The following SPTAN1 variants were observed in gnomAD, a reference collection of about 807,000 sequenced individuals.
The protein encoded by SPTAN1 is spectrin alpha, non-erythrocytic 1.
Under a neutral mutation model 331.3 loss-of-function variants are expected in SPTAN1, and 61 were observed. The observed-to-expected ratio is 0.18, with a 90% confidence interval of 0.15 to 0.23. The LOEUF (loss-of-function observed/expected upper bound fraction) is 0.23. Among genes scored for constraint, SPTAN1 ranks in the 10% least tolerant of loss-of-function variants. The pLI is 1.00. For missense variants in SPTAN1, 2,043 were observed against 3,147.9 expected (o/e 0.65, Z 8.40); for synonymous variants, 1,153 against 1,173.9 (o/e 0.98, Z 0.36).
rs1341927537 is a variant in SPTAN1 at position 128,577,026 on chromosome 9, T to A, written c.785+70T>A. 7 of 1,613,840 alleles carry A rather than the reference T, an allele frequency of 4.3e-6. No homozygotes were observed. In the African/African-American group the frequency reaches 8.0e-5, roughly 18 times the overall value. ...GGGGAGTTGTGAAGCACAGGGCATG[T>A]GCTGGTGAGCTGTCGAGGCTGACTA... On this transcript the variant is annotated intron_variant, in intron 6 of 56. Transcript: ENST00000372739. The surrounding 1 kb of genome is among the most constrained non-coding windows in gnomAD (Gnocchi z 4.2).
chr9:128,566,986 G>C lies in SPTAN1; in HGVS notation c.237+9G>C, dbSNP rs368690134. ...ACCCAACCAACTTGCAGGTACGTCT[G>C]ATCTCCTGGGATTCCTGCCAAAATT... is the stretch of plus-strand genomic sequence containing the variant. On this transcript the variant is annotated intron_variant, in intron 2 of 56. Coordinates refer to ENST00000372739, the MANE Select transcript of SPTAN1 (RefSeq NM_001130438.3). 2.3e-5 allele frequency: 37 copies of C among 1,613,838 alleles called. No homozygotes were observed. Among genetic ancestry groups the C allele is most frequent in the African/African-American group, 1.6e-4 (12 of 75,056 alleles).
chr9:128,593,861 T>TA (rs1483090219), intron 23 of SPTAN1: 3 of 392,442 alleles, frequency 7.6e-6, no homozygotes, highest in African/African-American at 6.2e-5. Flanking sequence ...AGCCCTGTGT[T>TA]ACTGTGCTAA....
rs1852307475 is a variant in SPTAN1, at chr9:128,584,363, C to G, written c.2275C>G (p.Gln759Glu). 1.9e-6 allele frequency: 3 copies of G among 1,614,046 alleles called. No homozygotes were observed. Among genetic ancestry groups the G allele is most frequent in the Non-Finnish European group, 2.5e-6 (3 of 1,180,042 alleles). ...TGATGCAGAAAACATCAAGAAGAAA[C>G]AGGAAGCCCTCGTGGCTCGCTATGA... ...HFDAENIKKK[Q>E]EALVARYEAL... The change falls in exon 17 of 57, where the codon CAG becomes GAG. Residue 759 changes from glutamine (Q) to glutamate (E), a missense_variant. Gln to Glu is a conservative substitution (Grantham distance 29). Transcript: ENST00000372739.
At position 128,594,221 on chromosome 9, in the gene SPTAN1, G is replaced by C. The variant is rs780374369; in HGVS notation, c.3262G>C (p.Glu1088Gln). Residue 1088 changes from glutamate (E) to glutamine (Q), a missense_variant, in exon 24 of 57, where the codon GAG (glutamate) becomes CAG (glutamine). Physicochemically the swap from Glu to Gln is conservative, Grantham distance 29. Transcript: ENST00000372739. ...ELGEKRKGML[E>Q]KSCKKFMLFR... Reference sequence around the variant, plus strand: ...GGGTGAGAAGCGTAAAGGCATGTTGGAGAAGAGTTGCAAGAAGTTTATGTT... The same window carrying C: ...GGGTGAGAAGCGTAAAGGCATGTTGCAGAAGAGTTGCAAGAAGTTTATGTT... The C allele has an allele frequency of 2.5e-6, 4 of 1,614,154 alleles. No homozygotes were observed. In the East Asian group the frequency reaches 8.9e-5, roughly 36 times the overall value.
intron 15 of SPTAN1, among the ~76,000 whole-genome samples, 198 bp from the exon 16 acceptor site, chr9:128,583,590 G>A (rs1231677438): frequency 2.0e-5 from 3 of 152,140 alleles, no homozygotes; most frequent in African/African-American, 7.2e-5. Flanking sequence ...ATATCTCAAG[G>A]GGGTTAGAAT....
At chr9:128,626,871 G>C (rs1858835191) in intron 49 of SPTAN1, 184 bp downstream of exon 49, 9 of 719,872 alleles carry the variant, frequency 1.3e-5, no homozygotes, top group Non-Finnish European at 2.1e-5. Context: ...CTTCAGTGCA[G>C]TGGTGCTACC....
chr9:128,628,826 A>C (rs1589400986), intron 51 of SPTAN1: 1 of 302,204 alleles, frequency 3.3e-6, no homozygotes, highest in Non-Finnish European at 6.1e-6. Flanking sequence ...CCCGTAGGAC[A>C]CCCTGGCCAC....
intron 3 of SPTAN1, among the ~76,000 whole-genome samples, chr9:128,572,922 G>A (rs1452547831): frequency 6.6e-6 from 1 of 152,148 alleles, no homozygotes; most frequent in African/African-American, 2.4e-5. Flanking sequence ...CAACAGTGGT[G>A]GAAGTGAATT....
At chr9:128,624,086 CAAAAA>C (rs11444346) in intron 45 of SPTAN1, among the ~76,000 whole-genome samples, 2 of 66,812 alleles carry the variant, frequency 3.0e-5, no homozygotes, top group African/African-American at 4.4e-5. Flanking sequence ...CACTCCGTCT[CAAAAA>C]AAAAAAAAAA....
At chr9:128,585,557 A>C (rs1648582968) in intron 18 of SPTAN1, among the ~76,000 whole-genome samples, 191 bp from the exon 19 acceptor site, 1 of 152,152 alleles carries the variant, frequency 6.6e-6, no homozygotes, top group African/African-American at 2.4e-5. Context: ...TGGTTTGAGG[A>C]GGCAAAAAAT....
intron 8 of SPTAN1, 95 bp from the exon 9 acceptor site, chr9:128,578,015 A>G: frequency 1.5e-6 from 2 of 1,347,068 alleles, no homozygotes; most frequent in Non-Finnish European, 2.1e-6. Context: ...AGTTTGTTAG[A>G]CATTTGAGAA....
chr9:128,627,619 A>G lies in SPTAN1; in HGVS notation c.6689+121A>G. 1 of 1,067,746 alleles carries G rather than the reference A, an allele frequency of 9.4e-7. No individual in the cohort carries two copies. Among genetic ancestry groups the G allele is most frequent in the South Asian group, 1.3e-5 (1 of 75,342 alleles). 66.1% of individuals were successfully genotyped at this position (1,067,746 alleles called of 1,614,324 possible). ...TAAAACCAGAGGCAGCCTGGGAATA[A>G]AGCTGGGCTGGCAACGCCTGGTCGG... On this transcript the variant is annotated intron_variant, in intron 50 of 56. Transcript: ENST00000372739. This position sits in a 1 kb window ranked among gnomAD's most constrained non-coding sequence, Gnocchi z 4.9.
Position 128,583,933 on chromosome 9 carries a change from A to G in SPTAN1, c.2157A>G (p.Lys719=), listed in dbSNP as rs1394128935. The G allele has an allele frequency of 6.2e-7, 1 of 1,614,194 alleles. No homozygotes were observed. Among genetic ancestry groups the G allele is most frequent in the Non-Finnish European group, 8.5e-7 (1 of 1,180,024 alleles). The part of the protein sequence containing the change: ...DLTNVQNLQK[K]HALLEADVAA... The stretch of plus-strand genomic sequence containing the variant: ...CCAATGTGCAGAACCTCCAGAAGAA[A>G]CATGCACTGCTAGAGGCAGATGTGG... Residue 719 remains lysine, a synonymous_variant, in exon 16 of 57, where the codon AAA becomes AAG. Coordinates refer to ENST00000372739, the MANE Select transcript of SPTAN1 (RefSeq NM_001130438.3).
At chr9:128,591,827 TC>T (rs956801481) in intron 22 of SPTAN1, among the ~76,000 whole-genome samples, 21 of 152,344 alleles carry the variant, frequency 1.4e-4, no homozygotes, top group Non-Finnish European at 5.9e-5. Flanking sequence ...TTGTTTTTTT[TC>T]CACCAGTGTT....
intron 42 of SPTAN1, 67 bp downstream of exon 42, chr9:128,617,827 C>A: frequency 1.2e-6 from 2 of 1,611,810 alleles, no homozygotes; most frequent in Non-Finnish European, 1.7e-6. Context: ...ACAGACAAAC[C>A]CCTTGCGCTT....
chr9:128,622,923 T>G (rs1263652856), intron 45 of SPTAN1, among the ~76,000 whole-genome samples: 1 of 151,704 alleles, frequency 6.6e-6, no homozygotes, highest in African/African-American at 2.4e-5. Context: ...CAGCTAATTT[T>G]TGTATTTTTA....
chr9:128,624,385 T>G lies in SPTAN1; in HGVS notation c.5890T>G (p.Ser1964Ala). Reference protein sequence around the residue: ...SKMKGLNGKVSDLEKAAAQRK... With the variant: ...SKMKGLNGKVADLEKAAAQRK... Reference sequence around the variant, plus strand: ...GATGAAGGGCCTGAACGGGAAAGTGTCAGACCTGGAGAAAGCTGCAGCCCA... The same window carrying G: ...GATGAAGGGCCTGAACGGGAAAGTGGCAGACCTGGAGAAAGCTGCAGCCCA... Residue 1964 changes from serine to alanine, a missense_variant, in exon 46 of 57, where the codon TCA becomes GCA. By Grantham distance (99) the Ser-to-Ala change is moderately conservative. Transcript: ENST00000372739. 1 of 1,613,994 alleles carries G rather than the reference T, an allele frequency of 6.2e-7. No homozygotes were observed. The highest frequency in any genetic ancestry group is 8.5e-7 in the Non-Finnish European group (1 of 1,180,012).
chr9:128,632,719 G>GTAAA lies in SPTAN1; in HGVS notation c.7160+3_7160+6dup. 6.2e-7 allele frequency: 1 copy of GTAAA among 1,614,000 alleles called. No homozygotes were observed. Among genetic ancestry groups the GTAAA allele is most frequent in the Non-Finnish European group, 8.5e-7 (1 of 1,180,026 alleles). On this transcript the variant is annotated splice_donor_variant, in intron 55 of 56. Coordinates refer to ENST00000372739, the MANE Select transcript of SPTAN1 (RefSeq NM_001130438.3). LOFTEE classifies it high-confidence loss of function. Reference sequence around the variant, plus strand: ...TCCTGGACACGGTGGATCCGAACAGGTAAATTAATTAAGGCCAGGTGCTGT... The same window carrying GTAAA: ...TCCTGGACACGGTGGATCCGAACAGGTAAATAAATTAATTAAGGCCAGGTGCTGT...
At chr9:128,567,118 T>C (rs1018881664) in intron 2 of SPTAN1, 141 bp downstream of exon 2, 22 of 1,237,418 alleles carry the variant, frequency 1.8e-5, no homozygotes, top group Middle Eastern at 4.3e-4. Context: ...AAACTCATTG[T>C]TTTCCTGTAT....
Sources: gnomAD v4.1 joint callset for allele counts (sites outside exome capture counted in the v4.1 genomes callset) on GRCh38, gnomAD v4.1.1 for gene constraint, Gnocchi (gnomAD v3.1) non-coding constraint, MANE v1.5 for transcripts, NCBI Gene and HGNC (gene_info 2026-07-23, HGNC 2026-07-21) for gene names.